VAV2: variants seen among roughly 807,000 people sequenced by gnomAD.
VAV2 encodes the protein vav guanine nucleotide exchange factor 2, also known as guanine nucleotide exchange factor VAV2.
A neutral mutation model predicts 132.5 loss-of-function variants in VAV2; 67 were observed. The observed-to-expected ratio is 0.51, with a 90% confidence interval of 0.42 to 0.62. VAV2 has a LOEUF of 0.62. Among genes scored for constraint, VAV2 ranks in the 20% least tolerant of loss-of-function variants. VAV2 has a pLI of 0.00. For synonymous variants in VAV2, 492 were observed against 443.5 expected (o/e 1.11, Z -1.37); for missense variants, 938 against 1,153.6 (o/e 0.81, Z 2.71).
intron 2 of VAV2, among the ~76,000 whole-genome samples, chr9:133,938,374 C>T (rs1394277203): frequency 6.6e-6 from 1 of 152,168 alleles, no homozygotes; most frequent in African/African-American, 2.4e-5. Context: ...CGTGGAGCTG[C>T]TGGGCTCTGG....
At chr9:133,792,512 GAT>G (rs1834529688) in intron 12 of VAV2, among the ~76,000 whole-genome samples, 1 of 146,976 alleles carries the variant, frequency 6.8e-6, no homozygotes, top group Admixed American at 6.8e-5. Context: ...GGGTGCGTGT[GAT>G]TGGGTGTGTG....
chr9:133,877,886 G>A (rs948077054), intron 2 of VAV2, among the ~76,000 whole-genome samples: 20 of 152,218 alleles, frequency 1.3e-4, no homozygotes, highest in Non-Finnish European at 2.5e-4. Context: ...TAGTAACTCG[G>A]TTATTAAGTG....
chr9:133,825,771 C>T (rs1835964262), intron 4 of VAV2, among the ~76,000 whole-genome samples: 1 of 152,124 alleles, frequency 6.6e-6, no homozygotes, highest in Non-Finnish European at 1.5e-5. Context: ...GTGGCCAAGG[C>T]CCCAGGGCAG....
At chr9:133,931,047 G>A (rs1005284219) in intron 2 of VAV2, among the ~76,000 whole-genome samples, 8 of 152,356 alleles carry the variant, frequency 5.3e-5, no homozygotes, top group Admixed American at 3.9e-4. Flanking sequence ...ATTCCGCCCC[G>A]AGTGAGGCTG....
chr9:133,924,143 T>TA (rs1840390634), intron 2 of VAV2, among the ~76,000 whole-genome samples: 1 of 152,124 alleles, frequency 6.6e-6, no homozygotes, highest in South Asian at 2.1e-4. Flanking sequence ...GTATAATTTT[T>TA]AAAAAAAGAA....
intron 4 of VAV2, among the ~76,000 whole-genome samples, chr9:133,815,690 A>G (rs180797140): frequency 4.6e-5 from 7 of 152,260 alleles, no homozygotes; most frequent in Non-Finnish European, 7.4e-5. Context: ...CGTGCTACCC[A>G]TCTTCCTTCT....
chr9:133,909,741 T>C (rs1195261129), intron 2 of VAV2, among the ~76,000 whole-genome samples: 7 of 152,238 alleles, frequency 4.6e-5, no homozygotes, highest in African/African-American at 1.7e-4. Context: ...CACTCTGCCC[T>C]GAGACTCCTC....
intron 1 of VAV2, among the ~76,000 whole-genome samples, chr9:133,967,985 T>C (rs1165001823): frequency 2.9e-5 from 4 of 139,018 alleles, no homozygotes; most frequent in Admixed American, 7.2e-5. Context: ...GTCTCTCTCA[T>C]ATGTTAAAGC....
chr9:133,776,170 C>T, intron 23 of VAV2, 90 bp from the exon 24 acceptor site: 1 of 1,538,050 alleles, frequency 6.5e-7, no homozygotes, highest in Non-Finnish European at 8.8e-7. Context: ...ACTGCCCTGT[C>T]CCCACATTGG....
At chr9:133,861,192 C>T in intron 3 of VAV2, 182 bp downstream of exon 3, 1 of 572,812 alleles carries the variant, frequency 1.7e-6, no homozygotes, top group Non-Finnish European at 2.9e-6. Context: ...TGAGCTGAAG[C>T]CTCCCGCCCC....
chr9:133,929,246 C>A (rs1364580349), intron 2 of VAV2, among the ~76,000 whole-genome samples: 1 of 152,140 alleles, frequency 6.6e-6, no homozygotes, highest in Non-Finnish European at 1.5e-5. Context: ...CAGTCTCCCA[C>A]CTGAGCCCTC....
Position 133,949,875 on chromosome 9 carries a change from G to A in VAV2, c.205-10656C>T, listed in dbSNP as rs1323683987. Among the ~76,000 whole-genome samples the A allele has an allele frequency of 4.6e-5, 7 of 152,364 alleles. No homozygotes were observed. In the South Asian group the frequency reaches 8.3e-4, roughly 18 times the overall value. ...CAGAACACCTGCCCCCGACCCGGGC[G>A]TCTCCTGCTGTTTAGGGGTTTCACG... On this transcript the variant is annotated intron_variant, in intron 1 of 29. Transcript: ENST00000371850.
Position 133,961,825 on chromosome 9 carries a change from C to T in VAV2, c.205-22606G>A, listed in dbSNP as rs935018380. Reference sequence around the variant, plus strand: ...AGCCCACAGGAGCAGAGTGGCCCCTCGTTCTGGTGGCCACGCAGGCCTAGG... The same window carrying T: ...AGCCCACAGGAGCAGAGTGGCCCCTTGTTCTGGTGGCCACGCAGGCCTAGG... On this transcript the variant is annotated intron_variant, in intron 1 of 29. Coordinates refer to ENST00000371850, the MANE Select transcript of VAV2 (RefSeq NM_001134398.2). This position sits in a 1 kb window ranked among gnomAD's most constrained non-coding sequence, Gnocchi z 4.1. 3.9e-5 allele frequency among the ~76,000 whole-genome samples: 6 copies of T among 152,164 alleles called. No homozygotes were observed. The highest frequency in any genetic ancestry group is 1.3e-4 in the Admixed American group (2 of 15,288).
At chr9:133,837,263 C>A (rs58808813) in intron 3 of VAV2, among the ~76,000 whole-genome samples, 1 of 152,180 alleles carries the variant, frequency 6.6e-6, no homozygotes, top group Non-Finnish European at 1.5e-5. Context: ...TCACTCAGGG[C>A]ACTTTCCACT....
At chr9:133,781,788 G>A (rs1207001786) in intron 19 of VAV2, among the ~76,000 whole-genome samples, 1 of 152,232 alleles carries the variant, frequency 6.6e-6, no homozygotes, top group Non-Finnish European at 1.5e-5. Context: ...GGATGAGGAG[G>A]GGGGCAAGGA....
At position 133,802,120 on chromosome 9, in the gene VAV2, C is replaced by T. The variant is rs1834950396; in HGVS notation, c.836+3961G>A. On this transcript the variant is annotated intron_variant, in intron 9 of 29. Coordinates refer to ENST00000371850, the MANE Select transcript of VAV2 (RefSeq NM_001134398.2). This position sits in a 1 kb window ranked among gnomAD's most constrained non-coding sequence, Gnocchi z 5.8. Reference sequence around the variant, plus strand: ...CCCCAGGGGGCACAGTTTGACTTTTCCCCGAAAAATGGAGAGAAAATGACA... The same window carrying T: ...CCCCAGGGGGCACAGTTTGACTTTTTCCCGAAAAATGGAGAGAAAATGACA... Among the ~76,000 whole-genome samples, 5 of 152,026 alleles carry T rather than the reference C, an allele frequency of 3.3e-5. No homozygotes were observed. The South Asian group carries it at 8.3e-4, about 25-fold the overall frequency.
chr9:133,775,180 G>C, intron 24 of VAV2, 129 bp from the exon 25 acceptor site: 1 of 725,026 alleles, frequency 1.4e-6, no homozygotes, highest in Non-Finnish European at 2.2e-6. Flanking sequence ...ATCTCCTAAT[G>C]AACCCAAGAG....
chr9:133,783,565 C>T lies in VAV2; in HGVS notation c.1661G>A (p.Cys554Tyr). The T allele has an allele frequency of 1.2e-6, 2 of 1,614,004 alleles. No individual in the cohort carries two copies. The highest frequency in any genetic ancestry group is 1.7e-6 in the Non-Finnish European group (2 of 1,179,970). ...LRGTFYQGYMCTKCGVGAHKE... is the reference protein window; with the variant it reads ...LRGTFYQGYMYTKCGVGAHKE... ...GTGTGCCCCGACGCCACACTTGGTA[C>T]ACATGTATCCCTGGTAGAAGGTGCC... Residue 554 changes from cysteine to tyrosine, a missense_variant, in exon 19 of 30, where the codon TGT becomes TAT. Physicochemically the swap from Cys to Tyr is radical, Grantham distance 194. Coordinates refer to ENST00000371850, the MANE Select transcript of VAV2 (RefSeq NM_001134398.2).
intron 2 of VAV2, among the ~76,000 whole-genome samples, chr9:133,887,260 G>A (rs572212605): frequency 6.6e-6 from 1 of 152,298 alleles, no homozygotes; most frequent in South Asian, 2.1e-4. Flanking sequence ...CCCCAGGATG[G>A]GGGTGGGGGA....
Sources: allele counts gnomAD v4.1 joint callset (sites outside exome capture counted in the v4.1 genomes callset), GRCh38; gene constraint gnomAD v4.1.1; non-coding constraint Gnocchi (gnomAD v3.1); transcripts MANE v1.5; gene names NCBI Gene and HGNC (gene_info 2026-07-23, HGNC 2026-07-21).